Variants in FARS2 observed in about 807,000 individuals in gnomAD.
FARS2 encodes the protein phenylalanine--tRNA ligase, mitochondrial.
In FARS2, 40 loss-of-function variants were observed where a neutral mutation model predicts 46.4. The ratio of observed to expected loss-of-function variants is 0.86; its 90% CI spans 0.67 to 1.12. The LOEUF (loss-of-function observed/expected upper bound fraction) is 1.12, where lower values mean the gene tolerates loss of function less well. Ranked by LOEUF, FARS2 falls within the 50% of genes most tolerant of loss-of-function variation. The pLI, the probability that FARS2 is intolerant of heterozygous loss-of-function variation, is 0.00. For synonymous variants in FARS2, 234 were observed against 214.9 expected (o/e 1.09, Z -0.78); for missense variants, 513 against 567.9 (o/e 0.90, Z 0.98).
At chr6:5,530,214 G>C (rs1180643929) in intron 4 of FARS2, among the ~76,000 whole-genome samples, 1 of 152,126 alleles carries the variant, frequency 6.6e-6, no homozygotes, top group Non-Finnish European at 1.5e-5. Flanking sequence ...TACAGCTGGG[G>C]TCCAGAACCT....
chr6:5,638,923 G>A (rs116735278), intron 6 of FARS2, among the ~76,000 whole-genome samples: 2 of 152,214 alleles, frequency 1.3e-5, no homozygotes, highest in Non-Finnish European at 1.5e-5. Flanking sequence ...TTGTACAGGG[G>A]CCTTGGAGGT....
At chr6:5,422,155 A>G (rs1762585171) in intron 3 of FARS2, among the ~76,000 whole-genome samples, 1 of 152,146 alleles carries the variant, frequency 6.6e-6, no homozygotes, top group Non-Finnish European at 1.5e-5. Flanking sequence ...GAGCTTGTGC[A>G]GGGAAACTCC....
At chr6:5,290,308 A>G (rs1767413540) in intron 1 of FARS2, among the ~76,000 whole-genome samples, 1 of 152,218 alleles carries the variant, frequency 6.6e-6, no homozygotes, top group Non-Finnish European at 1.5e-5. Context: ...CTAGGTAGGT[A>G]GTTCACTTTT....
At chr6:5,577,590 A>C (rs1582491095) in intron 5 of FARS2, among the ~76,000 whole-genome samples, 1 of 152,090 alleles carries the variant, frequency 6.6e-6, no homozygotes, top group African/African-American at 2.4e-5. Context: ...AGATTTTTTT[A>C]ATTTCTCTCT....
chr6:5,542,610 A>G (rs770637658), intron 4 of FARS2, among the ~76,000 whole-genome samples: 1 of 152,150 alleles, frequency 6.6e-6, no homozygotes, highest in Non-Finnish European at 1.5e-5. Context: ...AGTTTTGATC[A>G]CCAAAAATGT....
At chr6:5,571,556 G>A (rs1772648737) in intron 5 of FARS2, among the ~76,000 whole-genome samples, 2 of 152,094 alleles carry the variant, frequency 1.3e-5, no homozygotes. Flanking sequence ...CGAGCCCTCT[G>A]CTTCACGCTA....
intron 3 of FARS2, among the ~76,000 whole-genome samples, chr6:5,414,489 G>T (rs1201200115): frequency 6.6e-6 from 1 of 152,138 alleles, no homozygotes; most frequent in Non-Finnish European, 1.5e-5. Flanking sequence ...CCATTTTCTA[G>T]ATTTATGTTC....
chr6:5,742,615 G>T lies in FARS2; in HGVS notation c.1218-28676G>T, dbSNP rs138607808. On this transcript the variant is annotated intron_variant, in intron 6 of 6. Coordinates refer to ENST00000274680, the MANE Select transcript of FARS2 (RefSeq NM_006567.5). ...GCAGAGTTTTTCATTTTGTTTTCTT[G>T]GTTTGGTTGTTTGGTTGCATTTTCC... Among the ~76,000 whole-genome samples the T allele has an allele frequency of 4.7e-4, 71 of 151,660 alleles. No homozygotes were observed. The East Asian group carries it at 0.012, about 27-fold the overall frequency.
At chr6:5,610,245 C>A in intron 5 of FARS2, 1 of 509,608 alleles carries the variant, frequency 2.0e-6, no homozygotes. Flanking sequence ...TCAGCAGCAT[C>A]CACGAGCAGA....
chr6:5,653,545 G>T (rs4960123), intron 6 of FARS2, among the ~76,000 whole-genome samples: 1 of 152,092 alleles, frequency 6.6e-6, no homozygotes, highest in East Asian at 1.9e-4. Context: ...TAAGAACTAA[G>T]TGACCACAAT....
intron 5 of FARS2, among the ~76,000 whole-genome samples, chr6:5,583,052 A>G (rs994412801): frequency 2.6e-5 from 4 of 152,194 alleles, no homozygotes; most frequent in African/African-American, 7.2e-5. Flanking sequence ...TCATTCTTTC[A>G]TCATTAGACC....
chr6:5,670,781 A>T (rs542575652), intron 6 of FARS2, among the ~76,000 whole-genome samples: 2 of 152,300 alleles, frequency 1.3e-5, no homozygotes. Flanking sequence ...ATGCAGTGTC[A>T]TCGCTCCAAA....
chr6:5,659,955 C>T (rs1348794152), intron 6 of FARS2, among the ~76,000 whole-genome samples: 1 of 152,150 alleles, frequency 6.6e-6, no homozygotes, highest in African/African-American at 2.4e-5. Flanking sequence ...TTGGGAAACC[C>T]GCTTTACTAC....
At chr6:5,746,092 T>C (rs528777695) in intron 6 of FARS2, among the ~76,000 whole-genome samples, 1 of 152,336 alleles carries the variant, frequency 6.6e-6, no homozygotes, top group African/African-American at 2.4e-5. Flanking sequence ...CTTCTAGTCC[T>C]GATGATTCTT....
intron 5 of FARS2, among the ~76,000 whole-genome samples, chr6:5,563,764 A>G (rs913194722): frequency 3.3e-5 from 5 of 152,184 alleles, no homozygotes; most frequent in African/African-American, 1.2e-4. Flanking sequence ...TGGAGTATAC[A>G]GGGTCCAAAT....
chr6:5,589,156 G>A (rs748060096), intron 5 of FARS2, among the ~76,000 whole-genome samples: 17 of 152,148 alleles, frequency 1.1e-4, no homozygotes, highest in Non-Finnish European at 2.2e-4. Context: ...ATAGGGAGGA[G>A]GTGGTAAAAA....
chr6:5,363,893 A>G (rs776147369), intron 1 of FARS2, among the ~76,000 whole-genome samples: 1 of 152,218 alleles, frequency 6.6e-6, no homozygotes. Flanking sequence ...TCTTACGTCT[A>G]TGCAAATTAC....
At chr6:5,677,839 C>T (rs1693832464) in intron 6 of FARS2, among the ~76,000 whole-genome samples, 1 of 152,172 alleles carries the variant, frequency 6.6e-6, no homozygotes, top group Non-Finnish European at 1.5e-5. Context: ...GGAATTATGT[C>T]TCATGCCCAG....
intron 5 of FARS2, among the ~76,000 whole-genome samples, chr6:5,556,379 G>T (rs946033203): frequency 6.6e-6 from 1 of 151,918 alleles, no homozygotes; most frequent in Admixed American, 6.6e-5. Context: ...GGAAACATGC[G>T]CTGTTCTGAG....
Sources: allele counts gnomAD v4.1 joint callset (sites outside exome capture counted in the v4.1 genomes callset), GRCh38; gene constraint gnomAD v4.1.1; transcripts MANE v1.5; gene names NCBI Gene and HGNC (gene_info 2026-07-23, HGNC 2026-07-21).